Variants in GZMM observed in about 807,000 individuals in gnomAD.
GZMM encodes the protein HU-Met-1.
In GZMM, 23 loss-of-function variants were observed where a neutral mutation model predicts 19.2. The ratio of observed to expected loss-of-function variants is 1.20; its 90% CI spans 0.86 to 1.69. GZMM has a LOEUF of 1.69. Among genes scored for constraint, GZMM ranks in the 40% most tolerant of loss-of-function variants. GZMM has a pLI of 0.00. For synonymous variants in GZMM, 178 were observed against 160.2 expected (o/e 1.11, Z -0.84); for missense variants, 373 against 352.2 (o/e 1.06, Z -0.47).
intron 1 of GZMM, among the ~76,000 whole-genome samples, chr19:545,013 C>T (rs1980215559): frequency 6.6e-6 from 1 of 151,728 alleles, no homozygotes; most frequent in Non-Finnish European, 1.5e-5. Flanking sequence ...TCCATGTATC[C>T]ACCCATCCAT....
At chr19:547,767 C>T (rs1980344850) in intron 2 of GZMM, among the ~76,000 whole-genome samples, 2 of 152,188 alleles carry the variant, frequency 1.3e-5, no homozygotes, top group Non-Finnish European at 2.9e-5. Flanking sequence ...TAGGCGGGGG[C>T]TTCTGCTATA....
intron 1 of GZMM, 52 bp downstream of exon 1, chr19:544,178 G>A: frequency 6.7e-7 from 1 of 1,483,110 alleles, no homozygotes; most frequent in Non-Finnish European, 9.2e-7. Flanking sequence ...CGCTCTCGGT[G>A]GGTCCCTGGA....
intron 1 of GZMM, among the ~76,000 whole-genome samples, chr19:544,444 TAGGACTGCCCAGCTGGGAGGGC>T (rs144482265): frequency 0.019 from 2,834 of 152,090 alleles, 99 homozygotes; most frequent in African/African-American, 0.065. Context: ...GATGCTGACC[TAGGACTGCCCAGCTGGGAGGGC>T]AGAGCTGGGA....
At chr19:545,573 C>T (rs529114602) in intron 1 of GZMM, among the ~76,000 whole-genome samples, 1 of 151,910 alleles carries the variant, frequency 6.6e-6, no homozygotes, top group Non-Finnish European at 1.5e-5. Flanking sequence ...TCTCAAACTC[C>T]CAACCTCAGG....
chr19:546,299 G>A (rs1686605681), intron 1 of GZMM, among the ~76,000 whole-genome samples: 2 of 152,074 alleles, frequency 1.3e-5, no homozygotes, highest in South Asian at 4.2e-4. Flanking sequence ...AGCACTTTGG[G>A]AGGCCAAGGA....
chr19:544,060 C>G lies in GZMM; in HGVS notation c.-12C>G. ...GCCGGGGCCAGCACCCACACTGGGT[C>G]TCCACAGCGGCATGGAGGCCTGCGT... On this transcript the variant is annotated 5_prime_UTR_variant, in exon 1 of 5. Coordinates refer to ENST00000264553, the MANE Select transcript of GZMM (RefSeq NM_005317.4). 2 of 1,547,316 alleles carry G rather than the reference C, an allele frequency of 1.3e-6. No homozygotes were observed. The highest frequency in any genetic ancestry group is 1.7e-6 in the Non-Finnish European group (2 of 1,146,472).
chr19:549,083 G>A lies in GZMM; in HGVS notation c.510G>A (p.Val170=), dbSNP rs779186560. 7 of 1,587,968 alleles carry A rather than the reference G, an allele frequency of 4.4e-6. No individual in the cohort carries two copies. The highest frequency in any genetic ancestry group is 6.0e-6 in the Non-Finnish European group (7 of 1,168,456). Residue 170 remains valine (V), a synonymous_variant, in exon 4 of 5, where the codon GTG becomes GTA. Coordinates refer to ENST00000264553, the MANE Select transcript of GZMM (RefSeq NM_005317.4). Reference sequence around the variant, plus strand: ...TGCTGCGGGAGCTGGACCTCCAAGTGCTGGACACCCGCATGTGTAACAACA... The same window carrying A: ...TGCTGCGGGAGCTGGACCTCCAAGTACTGGACACCCGCATGTGTAACAACA... ...SRVLRELDLQ[V]LDTRMCNNSR...
rs1418517618 is a variant in GZMM, at chr19:549,110, C to T, written c.537C>T (p.Ser179=). ...TGGACACCCGCATGTGTAACAACAG[C>T]CGCTTCTGGAACGGCAGCCTCTCCC... is the stretch of plus-strand genomic sequence containing the variant. The part of the protein sequence containing the change: ...QVLDTRMCNN[S]RFWNGSLSPS... The change falls in exon 4 of 5, where the codon AGC becomes AGT. Residue 179 remains serine (S), a synonymous_variant. Transcript: ENST00000264553. The T allele has an allele frequency of 6.3e-7, 1 of 1,583,120 alleles. No individual in the cohort carries two copies. The highest frequency in any genetic ancestry group is 1.2e-5 in the South Asian group (1 of 86,648).
intron 1 of GZMM, among the ~76,000 whole-genome samples, chr19:544,808 A>C (rs1980201600): frequency 8.3e-6 from 1 of 121,154 alleles, no homozygotes; most frequent in Non-Finnish European, 1.7e-5. Context: ...CCACCCATCC[A>C]TCATCCATCC....
In GZMM at chr19:547,416, T is replaced by G. The variant is rs753412913; in HGVS notation, c.192T>G (p.Ala64=). The G allele has an allele frequency of 4.0e-6, 6 of 1,484,986 alleles. No homozygotes were observed. The highest frequency in any genetic ancestry group is 5.4e-6 in the Non-Finnish European group (6 of 1,116,162). The allele number at this position is 1,484,986 out of a possible 1,614,324, so 92.0% of individuals were successfully genotyped here. ...VLVHPKWVLT[A]AHCLAQRMAQ... ...TGCACCCAAAGTGGGTGCTGACGGC[T>G]GCCCACTGCCTGGCCCAGCGGTGAG... The change falls in exon 2 of 5, where the codon GCT becomes GCG. Residue 64 remains alanine, a synonymous_variant. Coordinates refer to ENST00000264553, the MANE Select transcript of GZMM (RefSeq NM_005317.4).
intron 4 of GZMM, 58 bp from the exon 5 acceptor site, chr19:549,572 G>A: frequency 1.9e-6 from 3 of 1,541,936 alleles, no homozygotes; most frequent in South Asian, 1.2e-5. Context: ...GGCGGGCCCT[G>A]CTCCCCTCGT....
Position 547,374 on chromosome 19 carries a change from G to A in GZMM, c.150G>A (p.Leu50=). 2 of 1,557,040 alleles carry A rather than the reference G, an allele frequency of 1.3e-6. No homozygotes were observed. Among genetic ancestry groups the A allele is most frequent in the Non-Finnish European group, 1.7e-6 (2 of 1,153,354 alleles). ...CACTGCAGAGAAATGGCTCCCACCT[G>A]TGCGGGGGTGTCCTGGTGCACCCAA... The part of the protein sequence containing the change: ...MASLQRNGSH[L]CGGVLVHPKW... Residue 50 remains leucine (L), a synonymous_variant, in exon 2 of 5, where the codon CTG becomes CTA. Transcript: ENST00000264553.
chr19:544,583 G>T (rs1201903079), intron 1 of GZMM, among the ~76,000 whole-genome samples: 1 of 152,136 alleles, frequency 6.6e-6, no homozygotes, highest in Non-Finnish European at 1.5e-5. Context: ...ATTCCAGCTG[G>T]ACTGAGTGAC....
intron 3 of GZMM, 33 bp downstream of exon 3, chr19:548,710 C>A (rs1365990501): frequency 6.2e-7 from 1 of 1,604,110 alleles, no homozygotes; most frequent in South Asian, 1.1e-5. Flanking sequence ...GAACTGGGCA[C>A]CCTCCTGTCC....
intron 1 of GZMM, among the ~76,000 whole-genome samples, 172 bp downstream of exon 1, chr19:544,298 C>T (rs1032955901): frequency 8.5e-5 from 13 of 152,110 alleles, no homozygotes; most frequent in African/African-American, 1.9e-4. Context: ...CGCTTCACCC[C>T]GAGTGGACAT....
intron 4 of GZMM, 79 bp downstream of exon 4, chr19:549,264 T>A: frequency 1.5e-6 from 2 of 1,374,488 alleles, no homozygotes; most frequent in Non-Finnish European, 2.0e-6. Flanking sequence ...GGCAGGTTCC[T>A]GGCTCTCCCG....
At chr19:549,577 C>T in intron 4 of GZMM, 53 bp from the exon 5 acceptor site, 1 of 1,557,472 alleles carries the variant, frequency 6.4e-7, no homozygotes, top group Middle Eastern at 1.9e-4. Context: ...GCCCTGCTCC[C>T]CTCGTCCCCT....
chr19:548,952 A>T lies in GZMM; in HGVS notation c.379A>T (p.Ile127Phe). Reference sequence around the variant, plus strand: ...CGGGAAAGTGAAGCCCAGCCGGACCATCCGGCCGTTGGCCCTGCCCAGTAA... The same window carrying T: ...CGGGAAAGTGAAGCCCAGCCGGACCTTCCGGCCGTTGGCCCTGCCCAGTAA... ...LDGKVKPSRT[I>F]RPLALPSKRQ... The change falls in exon 4 of 5, where the codon ATC becomes TTC. Residue 127 changes from isoleucine (I) to phenylalanine (F), a missense_variant. Physicochemically the swap from Ile to Phe is conservative, Grantham distance 21. Coordinates refer to ENST00000264553, the MANE Select transcript of GZMM (RefSeq NM_005317.4). 1 of 1,579,640 alleles carries T rather than the reference A, an allele frequency of 6.3e-7. No individual in the cohort carries two copies. Among genetic ancestry groups the T allele is most frequent in the Non-Finnish European group, 8.6e-7 (1 of 1,160,570 alleles).
chr19:545,546 C>G (rs1040720943), intron 1 of GZMM, among the ~76,000 whole-genome samples: 1 of 151,972 alleles, frequency 6.6e-6, no homozygotes, highest in Non-Finnish European at 1.5e-5. Context: ...AGGGTTTCCC[C>G]GTGTTGGTCA....
Sources: gnomAD v4.1 joint callset for allele counts (sites outside exome capture counted in the v4.1 genomes callset) on GRCh38, gnomAD v4.1.1 for gene constraint, MANE v1.5 for transcripts, NCBI Gene and HGNC (gene_info 2026-07-23, HGNC 2026-07-21) for gene names.